Variants in BANK1 observed in about 807,000 individuals in gnomAD.
BANK1 encodes the protein B-cell scaffold protein with ankyrin repeats.
A neutral mutation model predicts 94.5 loss-of-function variants in BANK1; 95 were observed. That is an observed-to-expected ratio of 1.00 (90% CI 0.85 to 1.19). The LOEUF is 1.19. Among genes scored for constraint, BANK1 ranks in the 50% most tolerant of loss-of-function variants. The pLI is 0.00. For synonymous variants in BANK1, 334 were observed against 308.4 expected (o/e 1.08, Z -0.87); for missense variants, 987 against 932.2 (o/e 1.06, Z -0.77).
At chr4:101,825,965 G>A (rs765055073) in intron 1 of BANK1, among the ~76,000 whole-genome samples, 3 of 151,990 alleles carry the variant, frequency 2.0e-5, no homozygotes, top group Non-Finnish European at 4.4e-5. Context: ...ATAGTTGTCT[G>A]CCAATTGTGA....
intron 6 of BANK1, among the ~76,000 whole-genome samples, chr4:101,914,710 T>C (rs181784975): frequency 1.6e-4 from 25 of 152,254 alleles, no homozygotes; most frequent in African/African-American, 5.5e-4. Flanking sequence ...CACTGTTGAT[T>C]CAAAGTGAAC....
intron 1 of BANK1, among the ~76,000 whole-genome samples, chr4:101,807,552 G>T (rs963498209): frequency 1.3e-5 from 2 of 152,054 alleles, no homozygotes; most frequent in Non-Finnish European, 2.9e-5. Flanking sequence ...CCTGGAGATT[G>T]GATCCCTTCC....
chr4:102,006,790 C>G (rs1172119104), intron 7 of BANK1, among the ~76,000 whole-genome samples: 1 of 150,856 alleles, frequency 6.6e-6, no homozygotes, highest in Non-Finnish European at 1.5e-5. Flanking sequence ...GTAATTTTAT[C>G]TTTAGTAAAC....
chr4:101,942,100 G>A (rs373997035), intron 7 of BANK1, among the ~76,000 whole-genome samples: 2 of 151,838 alleles, frequency 1.3e-5, no homozygotes, highest in African/African-American at 4.8e-5. Flanking sequence ...GAACACTGAT[G>A]TGCCAGTCAG....
At chr4:101,832,598 T>A (rs1726663246) in intron 2 of BANK1, among the ~76,000 whole-genome samples, 1 of 152,216 alleles carries the variant, frequency 6.6e-6, no homozygotes, top group African/African-American at 2.4e-5. Flanking sequence ...GTTTTCATAG[T>A]ACTTTTACTT....
intron 11 of BANK1, among the ~76,000 whole-genome samples, chr4:102,052,776 CA>C (rs1391393214): frequency 6.6e-6 from 1 of 151,998 alleles, no homozygotes; most frequent in African/African-American, 2.4e-5. Context: ...CAGTTGGCAA[CA>C]AAATGCAGGG....
intron 4 of BANK1, among the ~76,000 whole-genome samples, chr4:101,864,926 G>T (rs1206262474): frequency 1.3e-5 from 2 of 152,102 alleles, no homozygotes; most frequent in African/African-American, 4.8e-5. Context: ...GATCTTTAAG[G>T]CAGAAGAGAG....
In BANK1 at chr4:102,060,220, G is replaced by T; in HGVS notation, c.1979G>T (p.Arg660Leu). 19 of 1,575,146 alleles carry T rather than the reference G, an allele frequency of 1.2e-5. No individual in the cohort carries two copies. The highest frequency in any genetic ancestry group is 1.5e-5 in the Non-Finnish European group (18 of 1,168,892). ...CGLPKKQDRA[R>L]IESPAFSTLR... is the part of the protein sequence containing the mutation. ...TCCCCTTGTATTTTAGACAGAGCTC[G>T]GATAGAGAGTCCAGCCTTTTCTACT... Residue 660 changes from arginine to leucine, a missense_variant, in exon 12 of 17, where the codon CGG becomes CTG. Physicochemically the swap from Arg to Leu is moderately radical, Grantham distance 102 (BLOSUM62 -2). Coordinates refer to ENST00000322953, the MANE Select transcript of BANK1 (RefSeq NM_017935.5).
chr4:101,868,971 G>T (rs886971399), intron 4 of BANK1, among the ~76,000 whole-genome samples: 2 of 151,620 alleles, frequency 1.3e-5, no homozygotes, highest in Non-Finnish European at 3.0e-5. Context: ...CATCATTATC[G>T]GTAGATCCAC....
At chr4:101,867,524 T>G (rs1728119263) in intron 4 of BANK1, among the ~76,000 whole-genome samples, 1 of 151,996 alleles carries the variant, frequency 6.6e-6, no homozygotes, top group African/African-American at 2.4e-5. Flanking sequence ...TCATTTTCCT[T>G]ATTTTTAATT....
chr4:101,922,924 C>G (rs1723043179), intron 7 of BANK1, among the ~76,000 whole-genome samples: 1 of 151,844 alleles, frequency 6.6e-6, no homozygotes, highest in African/African-American at 2.4e-5. Context: ...TTTTGATGCC[C>G]TAACTCTGCA....
At chr4:101,991,076 A>G (rs1264174611) in intron 7 of BANK1, among the ~76,000 whole-genome samples, 2 of 152,178 alleles carry the variant, frequency 1.3e-5, no homozygotes, top group Non-Finnish European at 2.9e-5. Context: ...GTTAAAAAGT[A>G]TTATCCCCGT....
intron 5 of BANK1, among the ~76,000 whole-genome samples, chr4:101,872,639 A>G (rs1000162322): frequency 1.3e-5 from 2 of 152,118 alleles, no homozygotes; most frequent in African/African-American, 4.8e-5. Flanking sequence ...CCTTCAGGGC[A>G]TTTGGTTTTC....
chr4:102,025,584 G>T (rs1727064412), intron 9 of BANK1, 75 bp downstream of exon 9: 3 of 1,388,688 alleles, frequency 2.2e-6, no homozygotes, highest in Non-Finnish European at 3.0e-6. Context: ...AAATAGTGCA[G>T]TGGCAAATCT....
chr4:102,062,129 A>T (rs1337079573), intron 12 of BANK1: 1 of 152,200 alleles, frequency 6.6e-6, no homozygotes, highest in Non-Finnish European at 1.5e-5. Context: ...TATGAATATA[A>T]ATGAAGTTAT....
chr4:102,011,821 G>T (rs1318049673), intron 7 of BANK1, among the ~76,000 whole-genome samples: 1 of 151,866 alleles, frequency 6.6e-6, no homozygotes, highest in African/African-American at 2.4e-5. Context: ...CACTGGTTTG[G>T]GTTCATGAAA....
At chr4:101,922,365 ATTTAGTT>A (rs796202017) in intron 7 of BANK1, among the ~76,000 whole-genome samples, 4 of 151,872 alleles carry the variant, frequency 2.6e-5, no homozygotes, top group African/African-American at 9.6e-5. Flanking sequence ...ATGTTATATA[ATTTAGTT>A]TAAATGGCAG....
intron 11 of BANK1, among the ~76,000 whole-genome samples, chr4:102,048,586 G>C (rs966242764): frequency 2.0e-5 from 3 of 152,112 alleles, no homozygotes; most frequent in African/African-American, 7.2e-5. Context: ...AATAAAAAGG[G>C]CCTTTTATAT....
chr4:101,910,775 T>C (rs778266215), intron 6 of BANK1, among the ~76,000 whole-genome samples: 6 of 149,934 alleles, frequency 4.0e-5, no homozygotes, highest in African/African-American at 1.5e-4. Context: ...TGTTTTCCCA[T>C]ACCATTTTTT....
Sources: gnomAD v4.1 joint callset for allele counts (sites outside exome capture counted in the v4.1 genomes callset) on GRCh38, gnomAD v4.1.1 for gene constraint, MANE v1.5 for transcripts, NCBI Gene and HGNC (gene_info 2026-07-23, HGNC 2026-07-21) for gene names.